ANO10: variants seen among roughly 807,000 people sequenced by gnomAD.
The protein encoded by ANO10 is anoctamin-10.
Under a neutral mutation model 74.7 loss-of-function variants are expected in ANO10, and 77 were observed. The ratio of observed to expected loss-of-function variants is 1.03; its 90% CI spans 0.86 to 1.25. The LOEUF is 1.25. ANO10 is among the 50% of genes most tolerant of loss of function. The probability of loss-of-function intolerance (pLI) is 0.00; values close to 1 mark genes in which losing one functional copy is unlikely to be tolerated. For missense variants in ANO10, 721 were observed against 778.1 expected (o/e 0.93, Z 0.87); for synonymous variants, 279 against 284.9 (o/e 0.98, Z 0.21).
At chr3:43,515,794 C>G (rs1010299905) in intron 11 of ANO10, among the ~76,000 whole-genome samples, 1 of 152,090 alleles carries the variant, frequency 6.6e-6, no homozygotes, top group Non-Finnish European at 1.5e-5. Flanking sequence ...AGAACTTGCC[C>G]CTTTTCTAAA....
chr3:43,613,230 C>T (rs575112443), intron 1 of ANO10, among the ~76,000 whole-genome samples: 9 of 151,310 alleles, frequency 5.9e-5, no homozygotes, highest in Admixed American at 2.0e-4. Context: ...TGAAAGATAC[C>T]AGCCAAATCA....
chr3:43,459,580 G>A (rs1484880136), intron 11 of ANO10, among the ~76,000 whole-genome samples: 1 of 152,188 alleles, frequency 6.6e-6, no homozygotes, highest in East Asian at 1.9e-4. Flanking sequence ...TGGCTAAGAG[G>A]CATGATGGAG....
In ANO10 at chr3:43,565,729, T is replaced by G. The variant is rs770543085; in HGVS notation, c.1219-2A>C. Reference sequence around the variant, plus strand: ...GGCAAAGCAATTGAGGAAGTTGAACTGCCAAAAAAAAAAAAAAAAAAGATA... The same window carrying G: ...GGCAAAGCAATTGAGGAAGTTGAACGGCCAAAAAAAAAAAAAAAAAAGATA... On this transcript the variant is annotated splice_acceptor_variant, in intron 7 of 12. Coordinates refer to ENST00000292246, the MANE Select transcript of ANO10 (RefSeq NM_018075.5). LOFTEE classifies it high-confidence loss of function. 1.3e-5 allele frequency: 19 copies of G among 1,500,968 alleles called. No individual in the cohort carries two copies. Among genetic ancestry groups the G allele is most frequent in the African/African-American group, 3.2e-5 (2 of 61,798 alleles). The allele number at this position is 1,500,968 out of a possible 1,614,324, so 93.0% of individuals were successfully genotyped here. A position where few individuals can be genotyped will look rare whatever the true frequency, so the allele number is the denominator to read the frequency against.
chr3:43,534,147 A>G (rs1419630818), intron 11 of ANO10, among the ~76,000 whole-genome samples: 1 of 152,214 alleles, frequency 6.6e-6, no homozygotes, highest in Non-Finnish European at 1.5e-5. Context: ...CCAGAGAATA[A>G]GTACATAAAA....
At chr3:43,625,082 T>C (rs867467484), upstream of ANO10, among the ~76,000 whole-genome samples, 1 of 152,240 alleles carries the variant, frequency 6.6e-6, no homozygotes, top group Non-Finnish European at 1.5e-5. Context: ...CCAACTCCTC[T>C]GTCCAGAAGG....
chr3:43,635,529 AAT>A (rs1225096518), intron 1 of ANO10, among the ~76,000 whole-genome samples: 1 of 152,228 alleles, frequency 6.6e-6, no homozygotes, highest in Non-Finnish European at 1.5e-5. Context: ...TATGTGATGA[AAT>A]AGACAATGGT....
chr3:43,579,458 C>A (rs1299555076), intron 5 of ANO10, among the ~76,000 whole-genome samples: 1 of 152,208 alleles, frequency 6.6e-6, no homozygotes, highest in Non-Finnish European at 1.5e-5. Flanking sequence ...TGGCTCACAC[C>A]TGTAATTCCA....
intron 12 of ANO10, among the ~76,000 whole-genome samples, chr3:43,412,690 T>C (rs2092683776): frequency 6.6e-6 from 1 of 152,196 alleles, no homozygotes; most frequent in South Asian, 2.1e-4. Flanking sequence ...AAAGCATGTG[T>C]GCTATGATCT....
At chr3:43,515,521 T>A (rs1163450414) in intron 11 of ANO10, among the ~76,000 whole-genome samples, 1 of 152,202 alleles carries the variant, frequency 6.6e-6, no homozygotes, top group Non-Finnish European at 1.5e-5. Context: ...CATAACTGCA[T>A]GAACCAATTC....
intron 12 of ANO10, among the ~76,000 whole-genome samples, chr3:43,377,441 G>A (rs1050144495): frequency 6.6e-6 from 1 of 152,158 alleles, no homozygotes; most frequent in Non-Finnish European, 1.5e-5. Context: ...GAGGAAGGGT[G>A]CCAAGTCCTT....
chr3:43,504,333 T>C (rs964760916), intron 11 of ANO10, among the ~76,000 whole-genome samples: 3 of 151,694 alleles, frequency 2.0e-5, no homozygotes, highest in African/African-American at 7.3e-5. Context: ...GATAGATAGA[T>C]AGATAGATAG....
intron 7 of ANO10, among the ~76,000 whole-genome samples, chr3:43,567,864 C>T (rs2080456981): frequency 1.3e-5 from 2 of 152,020 alleles, no homozygotes; most frequent in African/African-American, 4.8e-5. Context: ...GGACTAAATG[C>T]TCCAATTAAA....
chr3:43,509,018 T>C lies in ANO10; in HGVS notation c.1797+40702A>G, dbSNP rs189996909. Among the ~76,000 whole-genome samples, 274 of 148,318 alleles carry C rather than the reference T, an allele frequency of 1.8e-3. 3 individuals are homozygous for C. The highest frequency in any genetic ancestry group is 3.6e-3 in the Middle Eastern group (1 of 276). On this transcript the variant is annotated intron_variant, in intron 11 of 12. Transcript: ENST00000292246. Reference sequence around the variant, plus strand: ...AGAAAGAAAATGTGGCACATATACATCATGGAATACTATGCAGCCATAGAA... The same window carrying C: ...AGAAAGAAAATGTGGCACATATACACCATGGAATACTATGCAGCCATAGAA...
intron 11 of ANO10, among the ~76,000 whole-genome samples, chr3:43,456,684 G>A (rs1229039646): frequency 1.3e-5 from 2 of 152,164 alleles, no homozygotes; most frequent in Admixed American, 6.6e-5. Flanking sequence ...AGTGAAAGGT[G>A]GAAGGGAAGG....
intron 1 of ANO10, among the ~76,000 whole-genome samples, chr3:43,610,259 G>A (rs979233490): frequency 2.6e-5 from 4 of 152,148 alleles, no homozygotes; most frequent in African/African-American, 9.7e-5. Context: ...GGTCTTCAGA[G>A]GCAGTAACAC....
chr3:43,464,152 C>G (rs1202104175), intron 11 of ANO10, among the ~76,000 whole-genome samples: 1 of 151,872 alleles, frequency 6.6e-6, no homozygotes, highest in South Asian at 2.1e-4. Context: ...TATCAGCAAC[C>G]TGAAAAAGGA....
intron 9 of ANO10, among the ~76,000 whole-genome samples, chr3:43,559,571 TAGG>T (rs2079925821): frequency 6.6e-6 from 1 of 151,998 alleles, no homozygotes; most frequent in African/African-American, 2.4e-5. Flanking sequence ...GTGGAGCAGT[TAGG>T]AGGAGAAGAA....
At chr3:43,591,468 C>T (rs1011750931) in intron 4 of ANO10, among the ~76,000 whole-genome samples, 3 of 152,166 alleles carry the variant, frequency 2.0e-5, no homozygotes, top group East Asian at 1.9e-4. Flanking sequence ...CCTTGGAATC[C>T]GTGAGGCTCC....
intron 2 of ANO10, among the ~76,000 whole-genome samples, chr3:43,603,530 C>T (rs2082427760): frequency 6.6e-6 from 1 of 152,014 alleles, no homozygotes. Flanking sequence ...ACTCTGAGTG[C>T]TGCGATGTTT....
Sources: gnomAD v4.1 joint callset for allele counts (sites outside exome capture counted in the v4.1 genomes callset) on GRCh38, gnomAD v4.1.1 for gene constraint, MANE v1.5 for transcripts, NCBI Gene and HGNC (gene_info 2026-07-23, HGNC 2026-07-21) for gene names.